Variants in AIG1 observed in about 807,000 individuals in gnomAD.
The protein encoded by AIG1 is androgen induced 1.
A neutral mutation model predicts 31.4 loss-of-function variants in AIG1; 23 were observed. The ratio of observed to expected loss-of-function variants is 0.73; its 90% CI spans 0.53 to 1.04. The LOEUF is 1.04. Ranked by LOEUF, AIG1 falls within the 50% of genes least tolerant of loss-of-function variation. The pLI is 0.00. For synonymous variants in AIG1, 100 were observed against 110.5 expected (o/e 0.90, Z 0.60); for missense variants, 274 against 295.0 (o/e 0.93, Z 0.52).
intron 3 of AIG1, among the ~76,000 whole-genome samples, chr6:143,252,508 A>G (rs1562527348): frequency 6.6e-6 from 1 of 152,206 alleles, no homozygotes. Flanking sequence ...GGGGGAGGCC[A>G]AGAGTGGGGA....
chr6:143,210,454 C>T (rs1370414960), intron 3 of AIG1, among the ~76,000 whole-genome samples: 1 of 152,054 alleles, frequency 6.6e-6, no homozygotes, highest in African/African-American at 2.4e-5. Flanking sequence ...TAGGAAATAG[C>T]AAAGGAAAGA....
At chr6:143,158,182 C>G (rs1785985715) in intron 2 of AIG1, among the ~76,000 whole-genome samples, 1 of 152,164 alleles carries the variant, frequency 6.6e-6, no homozygotes, top group Admixed American at 6.5e-5. Flanking sequence ...AGGCACCACT[C>G]TTTTCTTGTT....
rs138097153 is a variant in AIG1 at position 143,182,542 on chromosome 6, C to T, written c.399+17359C>T. 3.3e-3 allele frequency among the ~76,000 whole-genome samples: 495 copies of T among 152,212 alleles called. 14 individuals are homozygous for T. The East Asian group carries it at 0.062, about 19-fold the overall frequency. Reference sequence around the variant, plus strand: ...CTCACCTTTTTAGTAATACCTACCCCGAGCAGCCAATTAGGAACTGCAGCT... The same window carrying T: ...CTCACCTTTTTAGTAATACCTACCCTGAGCAGCCAATTAGGAACTGCAGCT... On this transcript the variant is annotated intron_variant, in intron 3 of 5. Coordinates refer to ENST00000357847, the MANE Select transcript of AIG1 (RefSeq NM_016108.4).
chr6:143,243,367 A>T (rs895138276), intron 3 of AIG1, among the ~76,000 whole-genome samples: 5 of 152,252 alleles, frequency 3.3e-5, no homozygotes. Flanking sequence ...GCCAAATGAG[A>T]TTATGAAAAT....
chr6:143,254,033 G>A (rs1250765622), intron 3 of AIG1, among the ~76,000 whole-genome samples: 3 of 152,136 alleles, frequency 2.0e-5, no homozygotes, highest in Non-Finnish European at 1.5e-5. Flanking sequence ...CCCACGGACC[G>A]TTTCCTCTTC....
chr6:143,195,378 A>G (rs1267312124), intron 3 of AIG1, among the ~76,000 whole-genome samples: 1 of 152,206 alleles, frequency 6.6e-6, no homozygotes, highest in Non-Finnish European at 1.5e-5. Context: ...AAGCAAGGCT[A>G]AGTTGTGTGA....
At chr6:143,197,298 T>C (rs963995183) in intron 3 of AIG1, among the ~76,000 whole-genome samples, 2 of 152,234 alleles carry the variant, frequency 1.3e-5, no homozygotes, top group African/African-American at 4.8e-5. Context: ...TAAAGTCACT[T>C]TGAAGTGCTC....
chr6:143,176,320 G>A (rs1442689967), intron 3 of AIG1, among the ~76,000 whole-genome samples: 8 of 152,178 alleles, frequency 5.3e-5, no homozygotes, highest in Non-Finnish European at 7.4e-5. Context: ...CATCAGCTGC[G>A]GGAGTATAGG....
intron 1 of AIG1, among the ~76,000 whole-genome samples, chr6:143,128,781 A>G (rs1340561095): frequency 6.6e-6 from 1 of 152,236 alleles, no homozygotes; most frequent in Non-Finnish European, 1.5e-5. Context: ...TTCAAATCAA[A>G]CTCTTATAAA....
intron 3 of AIG1, among the ~76,000 whole-genome samples, chr6:143,228,701 A>C (rs933470747): frequency 2.6e-5 from 4 of 152,214 alleles, no homozygotes; most frequent in Non-Finnish European, 4.4e-5. Flanking sequence ...CCAAATGAAG[A>C]AAAGATTGTC....
In AIG1 at chr6:143,329,663, C is replaced by A. The variant is rs1018296963; in HGVS notation, c.516-3619C>A. ...CAGATGACAGCCGGTGTGCCAAATCCAGCCCACCACCTGGATTTTTGTTTG... is the reference window on the plus strand; with the variant it reads ...CAGATGACAGCCGGTGTGCCAAATCAAGCCCACCACCTGGATTTTTGTTTG... On this transcript the variant is annotated intron_variant, in intron 4 of 5. Coordinates refer to ENST00000357847, the MANE Select transcript of AIG1 (RefSeq NM_016108.4). The surrounding 1 kb of genome is among the most constrained non-coding windows in gnomAD (Gnocchi z 4.9). Among the ~76,000 whole-genome samples, 1 of 149,762 alleles carries A rather than the reference C, an allele frequency of 6.7e-6. No homozygotes were observed. Among genetic ancestry groups the A allele is most frequent in the Non-Finnish European group, 1.5e-5 (1 of 67,282 alleles).
intron 3 of AIG1, among the ~76,000 whole-genome samples, chr6:143,186,337 A>G (rs940125880): frequency 2.6e-5 from 4 of 152,184 alleles, no homozygotes; most frequent in Non-Finnish European, 1.5e-5. Context: ...TATTGTTTTT[A>G]CCATCTCTAT....
At position 143,280,764 on chromosome 6, in the gene AIG1, A is replaced by C. The variant is rs1797291974; in HGVS notation, c.400-3346A>C. Among the ~76,000 whole-genome samples, 1 of 152,128 alleles carries C rather than the reference A, an allele frequency of 6.6e-6. No homozygotes were observed. Among genetic ancestry groups the C allele is most frequent in the African/African-American group, 2.4e-5 (1 of 41,430 alleles). ...AGGGAGAGTAGCAGAAAAGATAACT[A>C]TTGGGTACTGGGCTTAATACCTGGG... On this transcript the variant is annotated intron_variant, in intron 3 of 5. Coordinates refer to ENST00000357847, the MANE Select transcript of AIG1 (RefSeq NM_016108.4). The surrounding 1 kb of genome is among the most constrained non-coding windows in gnomAD (Gnocchi z 4.1).
downstream of AIG1, chr6:143,342,237 A>G (rs1049124132): frequency 4.0e-5 from 27 of 679,192 alleles, no homozygotes; most frequent in Non-Finnish European, 5.7e-5. Flanking sequence ...ATTTTCTTGT[A>G]GTGGGAAAAT....
At chr6:143,222,523 G>C (rs1242635264) in intron 3 of AIG1, among the ~76,000 whole-genome samples, 1 of 152,158 alleles carries the variant, frequency 6.6e-6, no homozygotes, top group African/African-American at 2.4e-5. Flanking sequence ...CTCTGCCACT[G>C]TCTGGTTTTC....
chr6:143,104,312 C>T (rs1780601341), intron 1 of AIG1, among the ~76,000 whole-genome samples: 1 of 152,212 alleles, frequency 6.6e-6, no homozygotes, highest in Admixed American at 6.5e-5. Flanking sequence ...TTCCTCTCAT[C>T]CCTTCACAGA....
chr6:143,213,368 A>G (rs1221743788), intron 3 of AIG1, among the ~76,000 whole-genome samples: 3 of 152,246 alleles, frequency 2.0e-5, no homozygotes, highest in African/African-American at 7.2e-5. Flanking sequence ...GAAGCTGACA[A>G]TCATGAAGCA....
chr6:143,315,814 A>G (rs534299005), intron 4 of AIG1, among the ~76,000 whole-genome samples: 40 of 152,232 alleles, frequency 2.6e-4, no homozygotes, highest in Non-Finnish European at 4.4e-4. Context: ...TGACTCAGCC[A>G]TGAGCAAAGG....
At position 143,279,863 on chromosome 6, in the gene AIG1, C is replaced by T. The variant is rs1013126663; in HGVS notation, c.400-4247C>T. 1.3e-5 allele frequency among the ~76,000 whole-genome samples: 2 copies of T among 152,172 alleles called. No homozygotes were observed. The highest frequency in any genetic ancestry group is 1.3e-4 in the Admixed American group (2 of 15,284). On this transcript the variant is annotated intron_variant, in intron 3 of 5. Coordinates refer to ENST00000357847, the MANE Select transcript of AIG1 (RefSeq NM_016108.4). The surrounding 1 kb of genome is among the most constrained non-coding windows in gnomAD (Gnocchi z 5.4). ...TCACCACTTATATCCTAGACCAGTA[C>T]TTTCTAGGATGGACTTTATATGGAA...
Sources: allele counts gnomAD v4.1 joint callset (sites outside exome capture counted in the v4.1 genomes callset), GRCh38; gene constraint gnomAD v4.1.1; non-coding constraint Gnocchi (gnomAD v3.1); transcripts MANE v1.5; gene names NCBI Gene and HGNC (gene_info 2026-07-23, HGNC 2026-07-21).